The following WWOX variants were observed in gnomAD, a reference collection of about 807,000 sequenced individuals.
WWOX encodes the protein WW domain-containing oxidoreductase.
A neutral mutation model predicts 46.2 loss-of-function variants in WWOX; 69 were observed. That is an observed-to-expected ratio of 1.49 (90% CI 1.23 to 1.82). The LOEUF (loss-of-function observed/expected upper bound fraction) is 1.82. Among genes scored for constraint, WWOX ranks in the 40% most tolerant of loss-of-function variants. The pLI is 0.00. For missense variants in WWOX, 919 were observed against 542.6 expected, an observed-to-expected ratio of 1.69 and a Z score of -6.89; for synonymous variants, 359 against 202.6, an observed-to-expected ratio of 1.77 and a Z score of -6.56.
At chr16:78,769,037 C>G (rs1199371113) in intron 8 of WWOX, among the ~76,000 whole-genome samples, 2 of 152,136 alleles carry the variant, frequency 1.3e-5, no homozygotes, top group South Asian at 2.1e-4. Flanking sequence ...TGTTATTTTT[C>G]TTCAAGAGAG....
In WWOX at chr16:78,881,589, G is replaced by T. The variant is rs867049750; in HGVS notation, c.1057-330019G>T. Among the ~76,000 whole-genome samples, 29 of 152,314 alleles carry T rather than the reference G, an allele frequency of 1.9e-4. 1 individual carries two copies. The highest frequency in any genetic ancestry group is 5.3e-4 in the African/African-American group (22 of 41,578). On this transcript the variant is annotated intron_variant, in intron 8 of 8. Coordinates refer to ENST00000566780, the MANE Select transcript of WWOX (RefSeq NM_016373.4). ...AATTGCTGTCTAGCTTTAAGATCAA[G>T]AGTAATTGTGACTTGATGTAAGGTA...
chr16:79,135,498 T>C (rs1429528915), intron 8 of WWOX, among the ~76,000 whole-genome samples: 1 of 152,194 alleles, frequency 6.6e-6, no homozygotes, highest in African/African-American at 2.4e-5. Context: ...TAAAAGAGAT[T>C]TAAGTTATTT....
intron 8 of WWOX, among the ~76,000 whole-genome samples, chr16:79,140,561 C>A (rs28513229): frequency 0.032 from 4,884 of 152,246 alleles, 306 homozygotes; most frequent in African/African-American, 0.11. Context: ...CTGAACTTTG[C>A]AAACCTCTCT....
At chr16:78,811,619 C>T (rs1357553337) in intron 8 of WWOX, among the ~76,000 whole-genome samples, 5 of 152,186 alleles carry the variant, frequency 3.3e-5, no homozygotes, top group African/African-American at 1.2e-4. Flanking sequence ...GATCCACCTG[C>T]CTCAGTCTCC....
chr16:78,956,910 T>C lies in WWOX; in HGVS notation c.1057-254698T>C, dbSNP rs575921384. Among the ~76,000 whole-genome samples, 30 of 152,330 alleles carry C rather than the reference T, an allele frequency of 2.0e-4. 1 individual carries two copies. The highest frequency in any genetic ancestry group is 7.2e-4 in the African/African-American group (30 of 41,576). ...CAAAATTCTGGGAAATAGGATGTTT[T>C]GTAAAGAAAGTTTGCTACTGTCACT... On this transcript the variant is annotated intron_variant, in intron 8 of 8. Transcript: ENST00000566780.
At chr16:78,985,499 G>T (rs1055283880) in intron 8 of WWOX, among the ~76,000 whole-genome samples, 1 of 152,200 alleles carries the variant, frequency 6.6e-6, no homozygotes, top group Non-Finnish European at 1.5e-5. Flanking sequence ...GCCAGGCGCG[G>T]TGGCTCACGC....
intron 8 of WWOX, among the ~76,000 whole-genome samples, chr16:78,736,550 T>C (rs2142401728): frequency 6.6e-6 from 1 of 151,780 alleles, no homozygotes; most frequent in South Asian, 2.1e-4. Context: ...CACACAATGT[T>C]TTCCTTTTCT....
chr16:78,515,068 A>G (rs1407414732), intron 8 of WWOX, among the ~76,000 whole-genome samples: 1 of 152,076 alleles, frequency 6.6e-6, no homozygotes, highest in African/African-American at 2.4e-5. Flanking sequence ...AAAAATACAA[A>G]AAAAAATTAG....
intron 8 of WWOX, among the ~76,000 whole-genome samples, chr16:78,880,735 G>A (rs959158046): frequency 1.3e-5 from 2 of 152,142 alleles, no homozygotes; most frequent in African/African-American, 4.8e-5. Flanking sequence ...ACTATTTTTT[G>A]ACAACACTAC....
chr16:79,023,062 A>C (rs907891075), intron 8 of WWOX, among the ~76,000 whole-genome samples: 1 of 152,104 alleles, frequency 6.6e-6, no homozygotes, highest in East Asian at 1.9e-4. Context: ...CAAAAATAAT[A>C]CCTACAATAA....
intron 5 of WWOX, among the ~76,000 whole-genome samples, chr16:78,224,256 G>C (rs561239393): frequency 6.6e-6 from 1 of 152,082 alleles, no homozygotes; most frequent in African/African-American, 2.4e-5. Flanking sequence ...GCCTGCCTCG[G>C]CCTCCCAAAG....
chr16:78,297,043 C>A (rs1055293352), intron 5 of WWOX, among the ~76,000 whole-genome samples: 1 of 152,066 alleles, frequency 6.6e-6, no homozygotes, highest in Non-Finnish European at 1.5e-5. Context: ...TTATCTGGCC[C>A]AATAAAAATA....
intron 8 of WWOX, among the ~76,000 whole-genome samples, chr16:78,689,275 C>T (rs2047932460): frequency 6.6e-6 from 1 of 152,242 alleles, no homozygotes; most frequent in African/African-American, 2.4e-5. Flanking sequence ...CTGTGCTTTG[C>T]ACACACATGC....
Position 78,325,607 on chromosome 16 carries a change from G to A in WWOX, c.517-61253G>A, listed in dbSNP as rs141562687. Among the ~76,000 whole-genome samples the A allele has an allele frequency of 5.4e-3, 829 of 152,324 alleles. 8 individuals are homozygous for A. Among genetic ancestry groups the A allele is most frequent in the African/African-American group, 0.018 (746 of 41,568 alleles). On this transcript the variant is annotated intron_variant, in intron 5 of 8. Coordinates refer to ENST00000566780, the MANE Select transcript of WWOX (RefSeq NM_016373.4). The stretch of plus-strand genomic sequence containing the variant: ...TGTTTTTCAAAAGGCTAATAGAGAA[G>A]TAATGAGATCAGAAGGAGGTCAACC...
At chr16:79,086,563 C>G (rs1470577674) in intron 8 of WWOX, among the ~76,000 whole-genome samples, 1 of 152,124 alleles carries the variant, frequency 6.6e-6, no homozygotes, top group Admixed American at 6.5e-5. Flanking sequence ...GAGTTAGAGA[C>G]CTGACTCTGG....
intron 8 of WWOX, among the ~76,000 whole-genome samples, chr16:78,677,695 A>T (rs992563158): frequency 6.6e-6 from 1 of 152,106 alleles, no homozygotes; most frequent in African/African-American, 2.4e-5. Flanking sequence ...ATCTCTTGTG[A>T]TGAACTCAGG....
At chr16:78,927,658 T>A (rs915409702) in intron 8 of WWOX, among the ~76,000 whole-genome samples, 15 of 152,232 alleles carry the variant, frequency 9.9e-5, no homozygotes, top group Non-Finnish European at 1.8e-4. Context: ...AGAAGGAAGG[T>A]AATTAAGGCA....
chr16:78,138,661 T>G (rs1416759731), intron 4 of WWOX, among the ~76,000 whole-genome samples: 2 of 152,210 alleles, frequency 1.3e-5, no homozygotes, highest in African/African-American at 2.4e-5. Context: ...TAAAACACAC[T>G]GGGGACAGCC....
intron 8 of WWOX, among the ~76,000 whole-genome samples, chr16:78,484,935 C>A (rs954530449): frequency 6.6e-6 from 1 of 152,152 alleles, no homozygotes; most frequent in Admixed American, 6.5e-5. Flanking sequence ...TGTTTGTGTA[C>A]TACACAGCCT....
Sources: allele counts gnomAD v4.1 joint callset (sites outside exome capture counted in the v4.1 genomes callset), GRCh38; gene constraint gnomAD v4.1.1; transcripts MANE v1.5; gene names NCBI Gene and HGNC (gene_info 2026-07-23, HGNC 2026-07-21).